Variants in MSRB1 observed in about 807,000 individuals in gnomAD.
The protein encoded by MSRB1 is methionine sulfoxide reductase B1, also known as methionine-R-sulfoxide reductase B1.
In MSRB1, 13 loss-of-function variants were observed where a neutral mutation model predicts 15.2. The ratio of observed to expected loss-of-function variants is 0.86; its 90% confidence interval spans 0.56 to 1.36. The LOEUF is 1.36. Among genes scored for constraint, MSRB1 ranks in the 40% most tolerant of loss-of-function variants. The pLI is 0.00. For missense variants in MSRB1, 174 were observed against 155.9 expected (o/e 1.12, Z -0.62); for synonymous variants, 68 against 64.5 (o/e 1.05, Z -0.26).
At position 1,943,135 on chromosome 16, in the gene MSRB1, C is replaced by G. The variant is rs1293200994; in HGVS notation, c.22G>C (p.Gly8Arg). The part of the protein sequence containing the change: MSFCSFF[G>R]GEVFQNHFEP... ...AAGTGATTCTGGAAAACCTCGCCCC[C>G]GAAGAAGCTGCAGAACGACATGGCG... The change falls in exon 1 of 4, where the codon GGG (glycine) becomes CGG (arginine). Residue 8 changes from glycine to arginine, a missense_variant. Coordinates refer to ENST00000361871, the MANE Select transcript of MSRB1 (RefSeq NM_016332.4). The G allele has an allele frequency of 1.3e-6, 2 of 1,562,864 alleles. No homozygotes were observed. The highest frequency in any genetic ancestry group is 1.7e-6 in the Non-Finnish European group (2 of 1,153,570).
At chr16:1,941,039 G>A (rs1165695668) in intron 2 of MSRB1, 147 bp from the exon 3 acceptor site, 11 of 1,552,254 alleles carry the variant, frequency 7.1e-6, no homozygotes, top group African/African-American at 5.5e-5. Context: ...CTTTGTCCTG[G>A]AGCCCGTACA....
intron 1 of MSRB1, 108 bp downstream of exon 1, chr16:1,942,994 C>T: frequency 6.9e-7 from 1 of 1,443,774 alleles, no homozygotes; most frequent in Admixed American, 2.1e-5. Context: ...GCCACATTCG[C>T]CCCCATTCCC....
chr16:1,939,173 T>C (rs1347883958), intron 3 of MSRB1, 30 bp from the exon 4 acceptor site: 2 of 1,587,144 alleles, frequency 1.3e-6, no homozygotes, highest in Non-Finnish European at 1.7e-6. Context: ...GCGGAAAGTA[T>C]GCGGGGACAG....
chr16:1,941,272 T>G lies in MSRB1; in HGVS notation c.189A>C (p.Arg63Ser). ...DSVAKRPEHN[R>S]SEALKVSCGK... ...GGCCTCTCACCTTCAAGGCTTCAGATCTATTGTGCTCCGGACGCTTGGCCA... is the reference window on the plus strand; with the variant it reads ...GGCCTCTCACCTTCAAGGCTTCAGAGCTATTGTGCTCCGGACGCTTGGCCA... The change falls in exon 2 of 4, where the codon AGA becomes AGC. Residue 63 changes from arginine to serine, a missense_variant. Arg to Ser is a moderately radical substitution (Grantham distance 110). Transcript: ENST00000361871. 1.9e-6 allele frequency: 3 copies of G among 1,612,002 alleles called. No individual in the cohort carries two copies. Among genetic ancestry groups the G allele is most frequent in the Non-Finnish European group, 2.5e-6 (3 of 1,179,752 alleles).
Position 1,941,336 on chromosome 16 carries a change from G to C in MSRB1, c.125C>G (p.Pro42Arg). 1 of 1,605,280 alleles carries C rather than the reference G, an allele frequency of 6.2e-7. No individual in the cohort carries two copies. The highest frequency in any genetic ancestry group is 1.1e-5 in the South Asian group (1 of 90,632). The change falls in exon 2 of 4, where the codon CCA (proline) becomes CGA (arginine). Residue 42 changes from proline to arginine, a missense_variant. By Grantham distance (103) the Pro-to-Arg change is moderately radical (BLOSUM62 -2). Coordinates refer to ENST00000361871, the MANE Select transcript of MSRB1 (RefSeq NM_016332.4). The part of the protein sequence containing the change: ...SSRSKYAHSS[P>R]WPAFTETIHA... Reference sequence around the variant, plus strand: ...AATGGTCTCGGTGAACGCCGGCCATGGAGACGAGTGTGCATACTTCGAGCG... The same window carrying C: ...AATGGTCTCGGTGAACGCCGGCCATCGAGACGAGTGTGCATACTTCGAGCG...
rs1286112555 is a variant in MSRB1, at chr16:1,941,374, C to G, written c.87G>C (p.Glu29Asp). 30 of 1,613,644 alleles carry G rather than the reference C, an allele frequency of 1.9e-5. No individual in the cohort carries two copies. The highest frequency in any genetic ancestry group is 2.5e-5 in the Non-Finnish European group (30 of 1,179,900). ...CATACTTCGAGCGGCTGGAGAACAG[C>G]TCATAGCCACACTTGGCACACACGT... ...GVYVCAKCGY[E>D]LFSSRSKYAH... The change falls in exon 2 of 4, where the codon GAG (glutamate) becomes GAC (aspartate). Residue 29 changes from glutamate to aspartate, a missense_variant. Glu to Asp is a conservative substitution (Grantham distance 45). Transcript: ENST00000361871.
At chr16:1,941,210 C>T in intron 2 of MSRB1, 47 bp downstream of exon 2, 6 of 1,607,682 alleles carry the variant, frequency 3.7e-6, no homozygotes, top group Non-Finnish European at 5.1e-6. Context: ...TGGCTCTCTG[C>T]TCTCCCTGGC....
Position 1,940,896 on chromosome 16 carries a change from G to C in MSRB1, c.205-4C>G, listed in dbSNP as rs376718791. ...TGCCACACTTGCCACAGGACACCTGGAAAGATCACAAGGCAGCTGGGTGAG... is the reference window on the plus strand; with the variant it reads ...TGCCACACTTGCCACAGGACACCTGCAAAGATCACAAGGCAGCTGGGTGAG... On this transcript the variant is annotated splice_region_variant and splice_polypyrimidine_tract_variant and intron_variant, in intron 2 of 3. Coordinates refer to ENST00000361871, the MANE Select transcript of MSRB1 (RefSeq NM_016332.4). 10 of 1,614,018 alleles carry C rather than the reference G, an allele frequency of 6.2e-6. No individual in the cohort carries two copies. The highest frequency in any genetic ancestry group is 1.3e-5 in the African/African-American group (1 of 74,936).
Position 1,939,097 on chromosome 16 carries a change from G to A in MSRB1, c.*15C>T, listed in dbSNP as rs2083057971. 1.2e-6 allele frequency: 2 copies of A among 1,612,874 alleles called. No individual in the cohort carries two copies. The highest frequency in any genetic ancestry group is 8.5e-7 in the Non-Finnish European group (1 of 1,179,694). ...TCAGTGTGGTGGCCGTCTGGGGTGG[G>A]TGTGGGCTGCCCGCCTAGTGACCCT... On this transcript the variant is annotated 3_prime_UTR_variant, in exon 4 of 4. Transcript: ENST00000361871.
chr16:1,941,593 A>G (rs1350159724), intron 1 of MSRB1, 188 bp from the exon 2 acceptor site: 34 of 713,140 alleles, frequency 4.8e-5, no homozygotes, highest in Non-Finnish European at 7.7e-5. Context: ...GCCAGAGACC[A>G]GGGGAGTCAC....
intron 1 of MSRB1, 183 bp from the exon 2 acceptor site, chr16:1,941,588 A>G: frequency 1.4e-6 from 1 of 724,196 alleles, no homozygotes. Flanking sequence ...GATGTGCCAG[A>G]GACCAGGGGA....
Position 1,939,127 on chromosome 16 carries a change from G to C in MSRB1, c.336C>G (p.Ala112=), listed in dbSNP as rs1468459952. The part of the protein sequence containing the change: ...KFVPKGKETS[A]SQGH The stretch of plus-strand genomic sequence containing the variant: ...GGCTGCCCGCCTAGTGACCCTGGGA[G>C]GCAGAAGTTTCTTTGCCTGAAAGAG... The change falls in exon 4 of 4, where the codon GCC becomes GCG. Residue 112 remains alanine (A), a synonymous_variant. Transcript: ENST00000361871. 2 of 1,609,338 alleles carry C rather than the reference G, an allele frequency of 1.2e-6. No homozygotes were observed. The highest frequency in any genetic ancestry group is 1.7e-6 in the Non-Finnish European group (2 of 1,178,676).
chr16:1,941,537 C>T, intron 1 of MSRB1, 132 bp from the exon 2 acceptor site: 1 of 1,295,522 alleles, frequency 7.7e-7, no homozygotes. Context: ...CTTCCCCAGG[C>T]ACCCGCCACG....
Position 1,943,119 on chromosome 16 carries a change from T to C in MSRB1, c.38A>G (p.Gln13Arg), listed in dbSNP as rs201402143. 1,650 of 1,561,452 alleles carry C rather than the reference T, an allele frequency of 1.1e-3. No individual in the cohort carries two copies. Among genetic ancestry groups the C allele is most frequent in the Non-Finnish European group, 1.3e-3 (1,552 of 1,152,930 alleles). ...FCSFFGGEVFQNHFEPGVYVC... is the reference protein window; with the variant it reads ...FCSFFGGEVFRNHFEPGVYVC... ...GGACCAACCAGGTTCAAAGTGATTCTGGAAAACCTCGCCCCCGAAGAAGCT... is the reference window on the plus strand; with the variant it reads ...GGACCAACCAGGTTCAAAGTGATTCCGGAAAACCTCGCCCCCGAAGAAGCT... Residue 13 changes from glutamine (Q) to arginine (R), a missense_variant, in exon 1 of 4, where the codon CAG becomes CGG. Transcript: ENST00000361871.
Position 1,941,653 on chromosome 16 carries a change from A to G in MSRB1, c.56-248T>C, listed in dbSNP as rs2083078412. ...TTCTCATAGCCCCGTGACGGGGCAT[A>G]TCCTAACATTTCCATCTTTGCTTGG... On this transcript the variant is annotated intron_variant, in intron 1 of 3. Transcript: ENST00000361871. 3 of 570,730 alleles carry G rather than the reference A, an allele frequency of 5.3e-6. No individual in the cohort carries two copies. In the South Asian group the frequency reaches 6.4e-5, roughly 12 times the overall value. The allele number at this position is 570,730 out of a possible 1,614,324, so 35.4% of individuals were successfully genotyped here.
intron 1 of MSRB1, among the ~76,000 whole-genome samples, chr16:1,942,443 G>C (rs1275012057): frequency 1.3e-5 from 2 of 152,266 alleles, no homozygotes; most frequent in Admixed American, 1.3e-4. Context: ...CCAGTGTGGA[G>C]GGCTGGCCAT....
At position 1,938,868 on chromosome 16, in the gene MSRB1, A is replaced by T; in HGVS notation, c.*244T>A. ...CCTAGAGTGAGCAGGGGGCTAAGTC[A>T]GCCGACAGTGTGGCTGCACAGCCCA... On this transcript the variant is annotated 3_prime_UTR_variant, in exon 4 of 4. Transcript: ENST00000361871. 1 of 594,178 alleles carries T rather than the reference A, an allele frequency of 1.7e-6. No individual in the cohort carries two copies. The highest frequency in any genetic ancestry group is 2.9e-6 in the Non-Finnish European group (1 of 340,402). The allele number at this position is 594,178 out of a possible 1,614,324, so 36.8% of individuals were successfully genotyped here.
chr16:1,940,573 G>C (rs2083070107), intron 3 of MSRB1, among the ~76,000 whole-genome samples: 1 of 152,264 alleles, frequency 6.6e-6, no homozygotes, highest in Non-Finnish European at 1.5e-5. Context: ...GGACAGTCAT[G>C]ATCAACCAAG....
intron 1 of MSRB1, chr16:1,941,640 C>A (rs954918278): frequency 6.8e-6 from 4 of 584,382 alleles, no homozygotes; most frequent in Admixed American, 3.2e-5. Flanking sequence ...CTCATAGCCC[C>A]GTGACGGGGC....
Sources: allele counts gnomAD v4.1 joint callset (sites outside exome capture counted in the v4.1 genomes callset), GRCh38; gene constraint gnomAD v4.1.1; transcripts MANE v1.5; gene names NCBI Gene and HGNC (gene_info 2026-07-23, HGNC 2026-07-21).